The following ERP27 variants were observed in gnomAD, a reference collection of about 807,000 sequenced individuals.
ERP27 encodes endoplasmic reticulum protein 27, also known as endoplasmic reticulum resident protein 27.
Under a neutral mutation model 27.7 loss-of-function variants are expected in ERP27, and 23 were observed. The ratio of observed to expected loss-of-function variants is 0.83; its 90% CI spans 0.60 to 1.18. The LOEUF (loss-of-function observed/expected upper bound fraction) is 1.18, where lower values mean the gene tolerates loss of function less well. ERP27 is among the 50% of genes most tolerant of loss of function. The pLI is 0.00. For synonymous variants in ERP27, 159 were observed against 118.3 expected (o/e 1.34, Z -2.23); for missense variants, 363 against 327.9 (o/e 1.11, Z -0.83).
intron 3 of ERP27, among the ~76,000 whole-genome samples, chr12:14,932,770 G>GA (rs1435262316): frequency 6.6e-6 from 1 of 152,226 alleles, no homozygotes; most frequent in Non-Finnish European, 1.5e-5. Flanking sequence ...CCTAAATACA[G>GA]AATGAGGTAG....
rs535590429 is a variant in ERP27 at position 14,938,280 on chromosome 12, A to C, written c.94+135T>G. On this transcript the variant is annotated intron_variant, in intron 1 of 6. Transcript: ENST00000266397. Reference sequence around the variant, plus strand: ...CAGACTTCCCTACTCTCTACCAGGCAAAATGCACTTATCCAGGATTTCCTG... The same window carrying C: ...CAGACTTCCCTACTCTCTACCAGGCCAAATGCACTTATCCAGGATTTCCTG... 229 of 834,544 alleles carry C rather than the reference A, an allele frequency of 2.7e-4. No homozygotes were observed. The African/African-American group carries it at 7.0e-3, about 26-fold the overall frequency. 51.7% of individuals were successfully genotyped at this position (834,544 alleles called of 1,614,324 possible). A position where few individuals can be genotyped will look rare whatever the true frequency, so the allele number is the denominator to read the frequency against.
chr12:14,931,354 T>A (rs1036708950), intron 3 of ERP27, among the ~76,000 whole-genome samples: 2 of 88,998 alleles, frequency 2.2e-5, no homozygotes, highest in African/African-American at 7.1e-5. Context: ...TTGGTTGATG[T>A]TCCCTTTTCA....
At chr12:14,934,017 C>T (rs1393179606) in intron 3 of ERP27, among the ~76,000 whole-genome samples, 5 of 152,206 alleles carry the variant, frequency 3.3e-5, no homozygotes, top group Non-Finnish European at 7.3e-5. Flanking sequence ...GCTTTAGGGG[C>T]TTTCCAGTAA....
intron 3 of ERP27, among the ~76,000 whole-genome samples, chr12:14,930,063 C>T (rs1480755543): frequency 6.6e-6 from 1 of 151,934 alleles, no homozygotes; most frequent in African/African-American, 2.4e-5. Flanking sequence ...ATAGCTAATG[C>T]ATGCGGGGCT....
intron 2 of ERP27, 41 bp from the exon 3 acceptor site, chr12:14,935,034 G>C (rs761016500): frequency 6.3e-7 from 1 of 1,596,376 alleles, no homozygotes; most frequent in African/African-American, 1.3e-5. Context: ...TGGTTATTTC[G>C]AAGGGCAGAG....
chr12:14,916,229 C>T (rs191080115), intron 5 of ERP27, among the ~76,000 whole-genome samples: 6 of 152,076 alleles, frequency 3.9e-5, no homozygotes, highest in South Asian at 2.1e-4. Flanking sequence ...ATCCCTTTGA[C>T]GAGATTGATT....
chr12:14,924,190 C>T (rs1296136380), intron 3 of ERP27, among the ~76,000 whole-genome samples: 1 of 152,172 alleles, frequency 6.6e-6, no homozygotes, highest in Non-Finnish European at 1.5e-5. Context: ...ATCTGTGCTC[C>T]TACACATGAC....
At chr12:14,920,313 C>G (rs1207558436) in intron 4 of ERP27, among the ~76,000 whole-genome samples, 1 of 152,136 alleles carries the variant, frequency 6.6e-6, no homozygotes, top group African/African-American at 2.4e-5. Context: ...TAGGCACTTG[C>G]TAGTCAAAGC....
chr12:14,932,075 GA>G (rs1333513613), intron 3 of ERP27, among the ~76,000 whole-genome samples: 1 of 152,156 alleles, frequency 6.6e-6, no homozygotes, highest in Non-Finnish European at 1.5e-5. Flanking sequence ...CATGCTTTTG[GA>G]GGTGAGTTTA....
At chr12:14,930,109 C>G (rs1863676252) in intron 3 of ERP27, among the ~76,000 whole-genome samples, 1 of 151,932 alleles carries the variant, frequency 6.6e-6, no homozygotes, top group South Asian at 2.1e-4. Context: ...GTGCAGCAAA[C>G]CACCATGGCA....
chr12:14,926,473 A>G (rs1026482265), intron 3 of ERP27, among the ~76,000 whole-genome samples: 1 of 152,166 alleles, frequency 6.6e-6, no homozygotes, highest in Non-Finnish European at 1.5e-5. Flanking sequence ...TGCATTTTCC[A>G]TTGGTTCTAT....
At chr12:14,916,276 G>A in intron 5 of ERP27, among the ~76,000 whole-genome samples, 1 of 152,160 alleles carries the variant, frequency 6.6e-6, no homozygotes, top group East Asian at 1.9e-4. Context: ...TTACTTTAGT[G>A]ATTACCTAAG....
At chr12:14,923,103 C>A (rs1863534641) in intron 3 of ERP27, among the ~76,000 whole-genome samples, 2 of 150,460 alleles carry the variant, frequency 1.3e-5, no homozygotes, top group Admixed American at 6.6e-5. Context: ...TGCTAAGATC[C>A]TTGATTTTTG....
intron 5 of ERP27, 82 bp downstream of exon 5, chr12:14,917,096 A>G (rs1863421782): frequency 3.9e-6 from 6 of 1,532,502 alleles, no homozygotes; most frequent in Non-Finnish European, 5.3e-6. Context: ...TTCCTTATTT[A>G]TCTCTGCTTC....
intron 3 of ERP27, among the ~76,000 whole-genome samples, chr12:14,924,489 C>T (rs778310029): frequency 6.4e-4 from 97 of 152,144 alleles, no homozygotes; most frequent in Non-Finnish European, 9.3e-4. Flanking sequence ...AATTTACATA[C>T]CCATTAACAG....
At chr12:14,918,353 T>C (rs1368803551) in intron 4 of ERP27, among the ~76,000 whole-genome samples, 1 of 152,182 alleles carries the variant, frequency 6.6e-6, no homozygotes, top group Non-Finnish European at 1.5e-5. Context: ...CAGCAGAAGG[T>C]GAGCTCTTCA....
intron 4 of ERP27, 147 bp downstream of exon 4, chr12:14,920,785 A>T (rs1009420736): frequency 1.2e-5 from 7 of 580,014 alleles, no homozygotes; most frequent in Admixed American, 3.2e-5. Context: ...AATCTTAAAA[A>T]GGTGTAGGAA....
At chr12:14,926,434 C>T (rs560031121) in intron 3 of ERP27, among the ~76,000 whole-genome samples, 40 of 152,172 alleles carry the variant, frequency 2.6e-4, no homozygotes, top group African/African-American at 7.0e-4. Flanking sequence ...ATTATTTCCA[C>T]GAAATGAAAT....
intron 3 of ERP27, among the ~76,000 whole-genome samples, chr12:14,933,512 T>C (rs1863729171): frequency 6.6e-6 from 1 of 152,034 alleles, no homozygotes; most frequent in African/African-American, 2.4e-5. Flanking sequence ...TAGATAGTAG[T>C]GTCTAGTTTA....
Sources: allele counts gnomAD v4.1 joint callset (sites outside exome capture counted in the v4.1 genomes callset), GRCh38; gene constraint gnomAD v4.1.1; transcripts MANE v1.5; gene names NCBI Gene and HGNC (gene_info 2026-07-23, HGNC 2026-07-21).